The following SEMA3A variants were observed in gnomAD, a reference collection of about 807,000 sequenced individuals.
The protein encoded by SEMA3A is semaphorin 3A.
A neutral mutation model predicts 97.9 loss-of-function variants in SEMA3A; 29 were observed. That is an observed-to-expected ratio of 0.30 (90% CI 0.22 to 0.40). SEMA3A has a LOEUF of 0.40. SEMA3A is among the 10% of genes least tolerant of loss of function. The probability of loss-of-function intolerance (pLI) is 1.00; values close to 1 mark genes in which losing one functional copy is unlikely to be tolerated. For missense variants in SEMA3A, 763 were observed against 951.3 expected (o/e 0.80, Z 2.60); for synonymous variants, 321 against 323.7 (o/e 0.99, Z 0.09).
intron 1 of SEMA3A, among the ~76,000 whole-genome samples, chr7:84,412,137 G>C (rs1396887158): frequency 2.6e-5 from 4 of 152,126 alleles, no homozygotes; most frequent in Admixed American, 6.6e-5. Context: ...CAAAGTGGTG[G>C]TTTGAAAAGC....
At chr7:84,296,305 A>G (rs115852996) in intron 3 of SEMA3A, among the ~76,000 whole-genome samples, 25 of 152,306 alleles carry the variant, frequency 1.6e-4, no homozygotes, top group African/African-American at 6.0e-4. Context: ...TGATGTAATT[A>G]TATCAAAATG....
chr7:84,086,491 CATATA>C (rs1435854521), intron 4 of SEMA3A, among the ~76,000 whole-genome samples: 5 of 54,428 alleles, frequency 9.2e-5, no homozygotes, highest in Middle Eastern at 9.4e-3. Context: ...ATTATATTTA[CATATA>C]ATATATTATT....
chr7:84,024,040 A>G (rs965392972), intron 6 of SEMA3A, among the ~76,000 whole-genome samples: 4 of 151,830 alleles, frequency 2.6e-5, no homozygotes, highest in Non-Finnish European at 5.9e-5. Context: ...ATTAGTTCAC[A>G]GAAATATACA....
intron 1 of SEMA3A, among the ~76,000 whole-genome samples, chr7:84,151,660 C>G (rs1355341299): frequency 1.3e-5 from 2 of 152,132 alleles, no homozygotes; most frequent in Admixed American, 1.3e-4. Context: ...AGTTGGAAAA[C>G]ACTCTGCAGG....
intron 15 of SEMA3A, among the ~76,000 whole-genome samples, chr7:83,966,775 G>T (rs1352841199): frequency 2.0e-5 from 3 of 151,554 alleles, no homozygotes; most frequent in African/African-American, 7.3e-5. Context: ...GCAATGGCGT[G>T]ATCTCGGCTC....
At chr7:84,325,693 C>T (rs376573219) in intron 2 of SEMA3A, among the ~76,000 whole-genome samples, 1 of 151,750 alleles carries the variant, frequency 6.6e-6, no homozygotes, top group Non-Finnish European at 1.5e-5. Context: ...ATATGATTTG[C>T]CCCATTTTAT....
chr7:84,361,759 C>T (rs1802726880), intron 2 of SEMA3A, among the ~76,000 whole-genome samples: 1 of 151,862 alleles, frequency 6.6e-6, no homozygotes, highest in African/African-American at 2.4e-5. Flanking sequence ...ATACTAATGA[C>T]ATAATTAAAA....
At chr7:84,255,259 A>G (rs1799693121) in intron 3 of SEMA3A, among the ~76,000 whole-genome samples, 1 of 152,180 alleles carries the variant, frequency 6.6e-6, no homozygotes. Flanking sequence ...AGCTGCGTAT[A>G]TATTATCTCT....
At chr7:84,156,346 A>ATC (rs991737424) in intron 1 of SEMA3A, among the ~76,000 whole-genome samples, 8 of 152,282 alleles carry the variant, frequency 5.3e-5, no homozygotes, top group Non-Finnish European at 1.0e-4. Flanking sequence ...GACAAAAGTA[A>ATC]TCTTTCAAAT....
At chr7:84,377,018 T>C (rs978313923) in intron 1 of SEMA3A, among the ~76,000 whole-genome samples, 1 of 152,188 alleles carries the variant, frequency 6.6e-6, no homozygotes, top group African/African-American at 2.4e-5. Context: ...AGCTTTTCAG[T>C]TTGATATAAT....
intron 16 of SEMA3A, among the ~76,000 whole-genome samples, 179 bp from the exon 17 acceptor site, chr7:83,962,005 C>T (rs546354931): frequency 6.6e-6 from 1 of 151,826 alleles, no homozygotes; most frequent in East Asian, 1.9e-4. Context: ...TAATATCTGT[C>T]AATTGTTTTT....
chr7:84,005,527 G>A lies in SEMA3A; in HGVS notation c.1172C>T (p.Ser391Phe). The change falls in exon 11 of 17, where the codon TCT becomes TTT. Residue 391 changes from serine to phenylalanine, a missense_variant. Around this residue, in one of 2 missense-constraint regions of SEMA3A, gnomAD observed 678 missense variants for 881.3 expected, o/e 0.77. Coordinates refer to ENST00000265362, the MANE Select transcript of SEMA3A (RefSeq NM_006080.3). ...CPSKTFGGFD[S>F]TKDLPDDVIT... ...AACATCATCAGGAAGGTCCTTTGTA[G>A]AGTCAAAACCACCAAATGTTTTGCT... 6.2e-7 allele frequency: 1 copy of A among 1,613,714 alleles called. No homozygotes were observed. The highest frequency in any genetic ancestry group is 1.1e-5 in the South Asian group (1 of 91,072).
intron 3 of SEMA3A, among the ~76,000 whole-genome samples, chr7:84,275,687 T>C (rs1231949500): frequency 1.3e-5 from 2 of 152,058 alleles, no homozygotes; most frequent in South Asian, 2.1e-4. Flanking sequence ...CTGTGCTCTT[T>C]AATATAATAA....
chr7:84,352,031 G>A (rs1343870235), intron 2 of SEMA3A, among the ~76,000 whole-genome samples: 1 of 140,548 alleles, frequency 7.1e-6, no homozygotes, highest in Non-Finnish European at 1.5e-5. Context: ...AATGTATTAT[G>A]CAGCCATAAG....
chr7:84,138,011 T>C (rs1162209348), intron 1 of SEMA3A, among the ~76,000 whole-genome samples: 1 of 134,320 alleles, frequency 7.4e-6, no homozygotes, highest in Non-Finnish European at 1.7e-5. Context: ...GAATAATGTA[T>C]CTTTTAAGAG....
intron 2 of SEMA3A, among the ~76,000 whole-genome samples, chr7:84,339,299 T>C (rs539988924): frequency 5.3e-5 from 8 of 152,322 alleles, no homozygotes; most frequent in South Asian, 2.1e-4. Flanking sequence ...GCAGGGTCAA[T>C]TAGAGACTGC....
At chr7:84,217,728 G>A (rs190728897) in intron 3 of SEMA3A, among the ~76,000 whole-genome samples, 66 of 151,626 alleles carry the variant, frequency 4.4e-4, no homozygotes, top group Non-Finnish European at 7.1e-4. Flanking sequence ...GCCAGGGCAC[G>A]CTAGCCTGAG....
At chr7:84,231,860 C>T (rs573046599) in intron 3 of SEMA3A, among the ~76,000 whole-genome samples, 4 of 151,954 alleles carry the variant, frequency 2.6e-5, no homozygotes, top group South Asian at 4.1e-4. Context: ...AGAAAAATAG[C>T]TCTTCCACTT....
At chr7:84,141,722 T>C (rs1347254427) in intron 1 of SEMA3A, among the ~76,000 whole-genome samples, 1 of 152,130 alleles carries the variant, frequency 6.6e-6, no homozygotes, top group Non-Finnish European at 1.5e-5. Flanking sequence ...CTATGTATTG[T>C]TCCCCTCTAT....
Sources: allele counts gnomAD v4.1 joint callset (sites outside exome capture counted in the v4.1 genomes callset), GRCh38; gene constraint gnomAD v4.1.1; regional missense constraint gnomAD v4.1.1; transcripts MANE v1.5; gene names NCBI Gene and HGNC (gene_info 2026-07-23, HGNC 2026-07-21).